ZNG1A: variants seen among roughly 807,000 people sequenced by gnomAD.
The protein encoded by ZNG1A is Zn regulated GTPase metalloprotein activator 1A.
the ZNG1A span, among the ~76,000 whole-genome samples, chr9:163,779 C>G: frequency 1.3e-5 from 2 of 151,322 alleles, 1 homozygote; most frequent in Non-Finnish European, 2.9e-5. Context: ...TAGCCAGGTA[C>G]GATGGTGCAC....
chr9:141,289 G>C, the ZNG1A span, among the ~76,000 whole-genome samples: 1 of 124,142 alleles, frequency 8.1e-6, no homozygotes, highest in African/African-American at 3.2e-5. Context: ...GGCAGCCAGA[G>C]AGAAAGCTCG....
chr9:140,147 G>C, the ZNG1A span, among the ~76,000 whole-genome samples: 36 of 151,294 alleles, frequency 2.4e-4, 3 homozygotes, highest in African/African-American at 8.6e-4. Context: ...AGCTCGAACT[G>C]GGTGGAGCCC....
At chr9:155,941 A>G in the ZNG1A span, among the ~76,000 whole-genome samples, 3 of 149,728 alleles carry the variant, frequency 2.0e-5, no homozygotes, top group Non-Finnish European at 4.4e-5. Flanking sequence ...CCCCATCTCT[A>G]CTAAAAAAAA....
At chr9:140,452 C>T in the ZNG1A span, among the ~76,000 whole-genome samples, 2 of 150,726 alleles carry the variant, frequency 1.3e-5, no homozygotes, top group African/African-American at 2.5e-5. Context: ...AGCTGAAGGT[C>T]GTGTCTGTTA....
the ZNG1A span, chr9:171,794 C>T: frequency 2.4e-6 from 1 of 413,194 alleles, no homozygotes; most frequent in Non-Finnish European, 4.5e-6. Flanking sequence ...CTCTGCTCTT[C>T]CTACATGTCC....
chr9:174,846 A>AT, the ZNG1A span, among the ~76,000 whole-genome samples: 1 of 150,704 alleles, frequency 6.6e-6, no homozygotes, highest in East Asian at 1.9e-4. Context: ...GTCTAGAGCT[A>AT]TTTTTTTGAC....
chr9:121,651 T>C, the ZNG1A span: 2 of 1,434,560 alleles, frequency 1.4e-6, no homozygotes, highest in East Asian at 2.3e-5. Flanking sequence ...TTCCAGTTCA[T>C]TAAATGCTTT....
the ZNG1A span, among the ~76,000 whole-genome samples, chr9:145,730 GAAAAAATAAAAAATA>G: frequency 6.6e-6 from 1 of 150,858 alleles, no homozygotes. Context: ...AAAAACTCAA[GAAAAAATAAAAAATA>G]AAAAAATAAA....
At chr9:127,298 T>C in the ZNG1A span, among the ~76,000 whole-genome samples, 4 of 152,100 alleles carry the variant, frequency 2.6e-5, no homozygotes, top group East Asian at 1.9e-4. Context: ...CTCACTATTA[T>C]TGTGTTGCTG....
At chr9:157,290 T>G in the ZNG1A span, among the ~76,000 whole-genome samples, 1 of 149,840 alleles carries the variant, frequency 6.7e-6, no homozygotes, top group Non-Finnish European at 1.5e-5. Flanking sequence ...TTGTCTGTTT[T>G]TTTTTTTTTC....
chr9:161,211 G>GTAA, the ZNG1A span, among the ~76,000 whole-genome samples: 2 of 152,124 alleles, frequency 1.3e-5, no homozygotes, highest in Non-Finnish European at 2.9e-5. Flanking sequence ...GCTCATGCCT[G>GTAA]TAATCCCAGC....
At chr9:156,895 T>G in the ZNG1A span, among the ~76,000 whole-genome samples, 1 of 152,096 alleles carries the variant, frequency 6.6e-6, no homozygotes, top group African/African-American at 2.4e-5. Flanking sequence ...GTTCTGGTTC[T>G]AAATATTCAT....
At chr9:174,960 T>C in the ZNG1A span, among the ~76,000 whole-genome samples, 6 of 151,724 alleles carry the variant, frequency 4.0e-5, no homozygotes, top group African/African-American at 7.3e-5. Context: ...TTTTAAAATA[T>C]TGAGTTTTAA....
the ZNG1A span, among the ~76,000 whole-genome samples, chr9:156,154 C>CAT: frequency 6.9e-4 from 92 of 134,120 alleles, no homozygotes; most frequent in Middle Eastern, 3.8e-3. Context: ...TATTATTATA[C>CAT]ATATATATAT....
the ZNG1A span, chr9:146,342 T>G: frequency 5.5e-6 from 3 of 544,362 alleles, no homozygotes; most frequent in Admixed American, 7.9e-5. Context: ...TTCAATGAAT[T>G]AGGTTTCTTT....
chr9:159,392 T>C, the ZNG1A span, among the ~76,000 whole-genome samples: 24 of 151,560 alleles, frequency 1.6e-4, no homozygotes, highest in Admixed American at 1.1e-3. Flanking sequence ...GTTAATTCTA[T>C]TGTATACTTG....
At chr9:163,588 C>T in the ZNG1A span, among the ~76,000 whole-genome samples, 1 of 151,250 alleles carries the variant, frequency 6.6e-6, no homozygotes, top group African/African-American at 2.4e-5. Flanking sequence ...TATGAATGAA[C>T]AACAACAATA....
the ZNG1A span, among the ~76,000 whole-genome samples, chr9:139,342 G>C: frequency 2.0e-5 from 3 of 149,378 alleles, no homozygotes; most frequent in Non-Finnish European, 4.4e-5. Context: ...GTGTAGAATG[G>C]TGGATGCCAG....
chr9:124,947 C>G, the ZNG1A span, among the ~76,000 whole-genome samples: 4 of 152,080 alleles, frequency 2.6e-5, no homozygotes, highest in Non-Finnish European at 5.9e-5. Context: ...TTACTTTATC[C>G]ACGCATTGAT....
Sources: gnomAD v4.1 joint callset for allele counts (sites outside exome capture counted in the v4.1 genomes callset) on GRCh38, gnomAD v4.1.1 for gene constraint, MANE v1.5 for transcripts, NCBI Gene and HGNC (gene_info 2026-07-23, HGNC 2026-07-21) for gene names.